The following KCNIP4 variants were observed in gnomAD, a reference collection of about 807,000 sequenced individuals.
KCNIP4 encodes the protein potassium voltage-gated channel interacting protein 4.
In KCNIP4, 12 loss-of-function variants were observed where a neutral mutation model predicts 34.0. The observed-to-expected ratio is 0.35, with a 90% confidence interval of 0.23 to 0.57. The LOEUF is 0.57. Among genes scored for constraint, KCNIP4 ranks in the 20% least tolerant of loss-of-function variants. KCNIP4 has a pLI of 0.83. For missense variants in KCNIP4, 238 were observed against 311.7 expected (o/e 0.76, Z 1.78); for synonymous variants, 124 against 102.2 (o/e 1.21, Z -1.29).
At chr4:21,569,410 A>C (rs1577612772) in intron 1 of KCNIP4, among the ~76,000 whole-genome samples, 1 of 152,114 alleles carries the variant, frequency 6.6e-6, no homozygotes, top group Admixed American at 6.6e-5. Flanking sequence ...AAAGAATTAT[A>C]AAGAAAGTAC....
chr4:21,924,820 C>A (rs1729143784), intron 1 of KCNIP4, among the ~76,000 whole-genome samples: 1 of 152,082 alleles, frequency 6.6e-6, no homozygotes, highest in Non-Finnish European at 1.5e-5. Context: ...CCTCTATCCT[C>A]CTCTGTCACT....
chr4:21,130,115 T>C (rs1750949959), intron 1 of KCNIP4, among the ~76,000 whole-genome samples: 1 of 152,096 alleles, frequency 6.6e-6, no homozygotes, highest in African/African-American at 2.4e-5. Flanking sequence ...CCTTTTTTTT[T>C]TAATCCTTCT....
At chr4:21,356,063 C>A (rs1236769479) in intron 1 of KCNIP4, among the ~76,000 whole-genome samples, 3 of 152,120 alleles carry the variant, frequency 2.0e-5, no homozygotes, top group Non-Finnish European at 4.4e-5. Context: ...ACGATTATTT[C>A]AATAGATGCA....
intron 1 of KCNIP4, chr4:21,762,999 C>A: frequency 7.8e-7 from 1 of 1,288,862 alleles, no homozygotes; most frequent in South Asian, 1.2e-5. Context: ...TCAAGGACAG[C>A]ACTTGGTACA....
chr4:21,278,926 G>C (rs1762605682), intron 1 of KCNIP4, among the ~76,000 whole-genome samples: 1 of 152,178 alleles, frequency 6.6e-6, no homozygotes, highest in African/African-American at 2.4e-5. Context: ...TTACATGACT[G>C]TAATAATGCA....
intron 1 of KCNIP4, among the ~76,000 whole-genome samples, chr4:21,001,513 A>G (rs1738137110): frequency 6.6e-6 from 1 of 152,188 alleles, no homozygotes; most frequent in African/African-American, 2.4e-5. Context: ...GGAAGGTGGG[A>G]TTTGAAGTGG....
chr4:21,739,635 A>G (rs767659242), intron 1 of KCNIP4, among the ~76,000 whole-genome samples: 3 of 152,098 alleles, frequency 2.0e-5, no homozygotes, highest in Non-Finnish European at 2.9e-5. Context: ...CTTTCAAGAA[A>G]TAAATGAATT....
At chr4:21,179,266 T>C (rs986814186) in intron 1 of KCNIP4, among the ~76,000 whole-genome samples, 6 of 152,224 alleles carry the variant, frequency 3.9e-5, no homozygotes, top group Non-Finnish European at 8.8e-5. Context: ...CCTTGCTTCT[T>C]TTAGTGAAAC....
intron 3 of KCNIP4, among the ~76,000 whole-genome samples, chr4:20,780,502 G>A (rs548287100): frequency 3.3e-5 from 5 of 152,232 alleles, no homozygotes; most frequent in African/African-American, 1.2e-4. Flanking sequence ...AACATGAGAC[G>A]CCCTGATTCT....
chr4:21,019,217 G>A (rs1443703985), intron 1 of KCNIP4, among the ~76,000 whole-genome samples: 4 of 151,972 alleles, frequency 2.6e-5, no homozygotes, highest in South Asian at 2.1e-4. Context: ...GTGCAGTGGC[G>A]TGATCTTGGC....
intron 1 of KCNIP4, among the ~76,000 whole-genome samples, chr4:21,230,271 A>C (rs1366458435): frequency 2.6e-5 from 4 of 152,128 alleles, no homozygotes; most frequent in African/African-American, 9.7e-5. Flanking sequence ...TGTAGAGTTC[A>C]TTCCCCTGCT....
At chr4:21,246,826 T>A (rs925148194) in intron 1 of KCNIP4, among the ~76,000 whole-genome samples, 1 of 152,198 alleles carries the variant, frequency 6.6e-6, no homozygotes, top group Non-Finnish European at 1.5e-5. Flanking sequence ...TGGACCTAAT[T>A]TTTCTTTTCA....
intron 1 of KCNIP4, among the ~76,000 whole-genome samples, chr4:21,791,951 G>A (rs889824953): frequency 6.1e-5 from 8 of 130,418 alleles, no homozygotes; most frequent in East Asian, 2.4e-4. Flanking sequence ...GCAGTGAGCC[G>A]AGATTGCACC....
intron 3 of KCNIP4, among the ~76,000 whole-genome samples, chr4:20,818,638 G>A (rs912517184): frequency 6.6e-6 from 1 of 152,052 alleles, no homozygotes; most frequent in East Asian, 1.9e-4. Context: ...TGAGAGAACT[G>A]GTTGGTACTG....
At chr4:21,088,230 A>T (rs1000016231) in intron 1 of KCNIP4, among the ~76,000 whole-genome samples, 3 of 152,174 alleles carry the variant, frequency 2.0e-5, no homozygotes, top group Admixed American at 6.6e-5. Flanking sequence ...AAGAATGGCC[A>T]ACCACACTGA....
intron 3 of KCNIP4, among the ~76,000 whole-genome samples, chr4:20,800,874 A>G (rs1465931877): frequency 4.6e-5 from 7 of 152,228 alleles, no homozygotes; most frequent in Admixed American, 4.6e-4. Context: ...TATTTAATAA[A>G]ATAGTGGCTG....
intron 1 of KCNIP4, among the ~76,000 whole-genome samples, chr4:21,056,387 T>C (rs1743403349): frequency 6.6e-6 from 1 of 152,202 alleles, no homozygotes; most frequent in African/African-American, 2.4e-5. Flanking sequence ...TCCGCCTCCA[T>C]GATGAATCAT....
chr4:21,301,339 T>C (rs1035987747), intron 1 of KCNIP4, among the ~76,000 whole-genome samples: 15 of 152,126 alleles, frequency 9.9e-5, no homozygotes, highest in African/African-American at 3.4e-4. Context: ...ATTTCAAATA[T>C]AATAATACAA....
intron 1 of KCNIP4, among the ~76,000 whole-genome samples, chr4:21,025,551 T>TTGG (rs1469989054): frequency 1.5e-5 from 1 of 65,452 alleles, no homozygotes; most frequent in Non-Finnish European, 3.1e-5. Context: ...CTGTTTTTTT[T>TTGG]TTTTTTTTTT....
Sources: allele counts gnomAD v4.1 joint callset (sites outside exome capture counted in the v4.1 genomes callset), GRCh38; gene constraint gnomAD v4.1.1; transcripts MANE v1.5; gene names NCBI Gene and HGNC (gene_info 2026-07-23, HGNC 2026-07-21).